The following ERC1 variants were observed in gnomAD, a reference collection of about 807,000 sequenced individuals.
ERC1 encodes the protein RAB6 interacting protein 2.
Under a neutral mutation model 132.0 loss-of-function variants are expected in ERC1, and 56 were observed. The observed-to-expected ratio is 0.42, with a 90% CI of 0.34 to 0.53. The LOEUF is 0.53. Among genes scored for constraint, ERC1 ranks in the 20% least tolerant of loss-of-function variants. The pLI is 0.03. For synonymous variants in ERC1, 478 were observed against 476.1 expected, an observed-to-expected ratio of 1.00 and a Z score of -0.05; for missense variants, 1,202 against 1,349.9, an observed-to-expected ratio of 0.89 and a Z score of 1.72.
At chr12:1,258,247 G>A (rs553338028) in intron 13 of ERC1, among the ~76,000 whole-genome samples, 1 of 152,260 alleles carries the variant, frequency 6.6e-6, no homozygotes, top group South Asian at 2.1e-4. Flanking sequence ...ATAGGGATAG[G>A]AGGAATTAGG....
chr12:1,274,468 T>C (rs541807167), intron 14 of ERC1, among the ~76,000 whole-genome samples: 146 of 147,110 alleles, frequency 9.9e-4, no homozygotes, highest in South Asian at 4.4e-3. Flanking sequence ...TCGTCTATTT[T>C]ATTTTATTTT....
At chr12:1,143,892 C>T (rs1950093776) in intron 8 of ERC1, among the ~76,000 whole-genome samples, 1 of 151,858 alleles carries the variant, frequency 6.6e-6, no homozygotes, top group African/African-American at 2.4e-5. Context: ...TTTTTGTGCA[C>T]ATGAAGGCTT....
intron 15 of ERC1, among the ~76,000 whole-genome samples, chr12:1,303,793 A>G (rs1358185803): frequency 6.6e-6 from 1 of 151,902 alleles, no homozygotes; most frequent in Non-Finnish European, 1.5e-5. Context: ...TGTCTCTACT[A>G]AAAATACAAA....
chr12:1,091,226 T>G (rs1000012234), intron 3 of ERC1, among the ~76,000 whole-genome samples: 8 of 152,298 alleles, frequency 5.3e-5, no homozygotes, highest in African/African-American at 1.9e-4. Context: ...ATTATTTGTT[T>G]CTTTTTTTAT....
At chr12:1,336,715 T>G (rs2083346079) in intron 15 of ERC1, among the ~76,000 whole-genome samples, 3 of 152,188 alleles carry the variant, frequency 2.0e-5, no homozygotes, top group Admixed American at 2.0e-4. Flanking sequence ...AGAATGTATG[T>G]TCTGTTGCTT....
chr12:1,444,356 G>T (rs1198970006), intron 17 of ERC1: 2 of 445,896 alleles, frequency 4.5e-6, no homozygotes, highest in East Asian at 3.5e-5. Flanking sequence ...TCTCCCAGAA[G>T]GGCGGCTGCG....
intron 1 of ERC1, among the ~76,000 whole-genome samples, chr12:1,013,194 A>G (rs1376430306): frequency 6.6e-6 from 1 of 152,170 alleles, no homozygotes; most frequent in Non-Finnish European, 1.5e-5. Context: ...ATCAGTGAGC[A>G]CTAGAGTCGT....
chr12:1,055,360 A>C (rs1432085506), intron 2 of ERC1, among the ~76,000 whole-genome samples: 1 of 152,014 alleles, frequency 6.6e-6, no homozygotes. Context: ...TTGTATTTTT[A>C]GTAGAGATGG....
chr12:1,253,518 A>C (rs1262087908), intron 13 of ERC1, among the ~76,000 whole-genome samples: 1 of 152,072 alleles, frequency 6.6e-6, no homozygotes, highest in Non-Finnish European at 1.5e-5. Context: ...CTCTATGAAA[A>C]ATACAAAATT....
chr12:1,028,851 C>CTTT (rs748620568), intron 2 of ERC1, among the ~76,000 whole-genome samples: 4 of 139,110 alleles, frequency 2.9e-5, no homozygotes, highest in Non-Finnish European at 6.2e-5. Flanking sequence ...CATATGTTAT[C>CTTT]TTTTTTTTTT....
At chr12:1,358,387 C>G (rs1004259221) in intron 15 of ERC1, among the ~76,000 whole-genome samples, 1 of 152,038 alleles carries the variant, frequency 6.6e-6, no homozygotes, top group Non-Finnish European at 1.5e-5. Context: ...ATCATTTTCA[C>G]TATGGAATTG....
intron 15 of ERC1, among the ~76,000 whole-genome samples, chr12:1,359,153 T>G (rs2085829725): frequency 6.6e-6 from 1 of 152,166 alleles, no homozygotes; most frequent in Admixed American, 6.5e-5. Flanking sequence ...CAGGGAAAAG[T>G]AGGCTCAGTC....
intron 1 of ERC1, among the ~76,000 whole-genome samples, chr12:991,965 T>G (rs946695571): frequency 1.3e-5 from 2 of 151,802 alleles, no homozygotes; most frequent in African/African-American, 4.8e-5. Flanking sequence ...GGTTCGATTC[T>G]TTTTCTTCTG....
At chr12:1,485,222 TGAG>T (rs1565533547) in intron 18 of ERC1, among the ~76,000 whole-genome samples, 3 of 146,556 alleles carry the variant, frequency 2.0e-5, no homozygotes, top group Admixed American at 6.8e-5. Flanking sequence ...TTTTTTTTTT[TGAG>T]ACAGAGTCTC....
intron 10 of ERC1, among the ~76,000 whole-genome samples, chr12:1,182,804 C>T (rs772387073): frequency 9.9e-5 from 15 of 151,486 alleles, no homozygotes; most frequent in African/African-American, 2.7e-4. Context: ...TAGGACTATA[C>T]GTGTGCACTA....
At chr12:1,216,590 C>A (rs961311909) in intron 12 of ERC1, among the ~76,000 whole-genome samples, 2 of 65,554 alleles carry the variant, frequency 3.1e-5, no homozygotes, top group Admixed American at 2.1e-4. Flanking sequence ...ATTGACATAG[C>A]CTTGGTGGGG....
intron 8 of ERC1, among the ~76,000 whole-genome samples, chr12:1,173,003 G>A (rs1332583090): frequency 6.6e-6 from 1 of 152,170 alleles, no homozygotes; most frequent in Non-Finnish European, 1.5e-5. Context: ...CATGAAGGAT[G>A]TACTTTTCCA....
intron 13 of ERC1, among the ~76,000 whole-genome samples, chr12:1,247,802 G>C (rs1194232003): frequency 6.6e-6 from 1 of 152,126 alleles, no homozygotes; most frequent in Non-Finnish European, 1.5e-5. Context: ...TTCAAGACCA[G>C]CATGACCAAC....
intron 15 of ERC1, among the ~76,000 whole-genome samples, chr12:1,370,154 C>T (rs1297044615): frequency 2.0e-4 from 30 of 152,186 alleles, no homozygotes; most frequent in Non-Finnish European, 8.8e-5. Context: ...TGTCTTCTTT[C>T]ATAAAAGATG....
Sources: allele counts gnomAD v4.1 joint callset (sites outside exome capture counted in the v4.1 genomes callset), GRCh38; gene constraint gnomAD v4.1.1; transcripts MANE v1.5; gene names NCBI Gene and HGNC (gene_info 2026-07-23, HGNC 2026-07-21).